GNA14: variants seen among roughly 807,000 people sequenced by gnomAD.
GNA14 encodes the protein G protein subunit alpha 14.
Under a neutral mutation model 42.0 loss-of-function variants are expected in GNA14, and 50 were observed. The observed-to-expected ratio is 1.19, with a 90% CI of 0.95 to 1.51. The LOEUF is 1.51. Ranked by LOEUF, GNA14 falls within the 40% of genes most tolerant of loss-of-function variation. GNA14 has a pLI of 0.00. For missense variants in GNA14, 473 were observed against 446.2 expected, an observed-to-expected ratio of 1.06 and a Z score of -0.54; for synonymous variants, 173 against 163.1, an observed-to-expected ratio of 1.06 and a Z score of -0.46.
intron 2 of GNA14, among the ~76,000 whole-genome samples, chr9:77,449,868 C>T (rs1835876736): frequency 1.3e-5 from 2 of 152,202 alleles, no homozygotes; most frequent in South Asian, 4.1e-4. Context: ...CTCTTGAGAA[C>T]CCCTCCTTAG....
At chr9:77,499,168 C>A (rs1446977618) in intron 2 of GNA14, among the ~76,000 whole-genome samples, 1 of 151,998 alleles carries the variant, frequency 6.6e-6, no homozygotes, top group Non-Finnish European at 1.5e-5. Flanking sequence ...AACCCTTTAG[C>A]CTTGCCACCT....
intron 1 of GNA14, among the ~76,000 whole-genome samples, chr9:77,623,806 C>G (rs1168544545): frequency 6.6e-6 from 1 of 152,164 alleles, no homozygotes; most frequent in Non-Finnish European, 1.5e-5. Context: ...GCCTACACCA[C>G]CAGCGCCATG....
chr9:77,525,800 A>T (rs191624980), intron 2 of GNA14, among the ~76,000 whole-genome samples: 2 of 151,700 alleles, frequency 1.3e-5, no homozygotes, highest in East Asian at 3.9e-4. Context: ...GGCCTCCCAA[A>T]GTACTGGGAT....
At chr9:77,569,847 A>T (rs773827443) in intron 1 of GNA14, among the ~76,000 whole-genome samples, 3 of 151,374 alleles carry the variant, frequency 2.0e-5, no homozygotes, top group Admixed American at 6.6e-5. Context: ...GCTCACTGCA[A>T]CCTCTGCCTT....
At chr9:77,458,041 T>A (rs541223478) in intron 2 of GNA14, among the ~76,000 whole-genome samples, 9 of 152,330 alleles carry the variant, frequency 5.9e-5, no homozygotes, top group Middle Eastern at 3.4e-3. Context: ...TTTTGGTTGT[T>A]TTCCTTTTGT....
intron 1 of GNA14, among the ~76,000 whole-genome samples, chr9:77,632,358 T>C (rs917964398): frequency 6.6e-6 from 1 of 152,158 alleles, no homozygotes; most frequent in Non-Finnish European, 1.5e-5. Flanking sequence ...CTGAAGGCTG[T>C]TGGCTGGGCT....
intron 2 of GNA14, among the ~76,000 whole-genome samples, chr9:77,499,018 G>T (rs1328049393): frequency 1.3e-5 from 2 of 152,172 alleles, no homozygotes; most frequent in African/African-American, 2.4e-5. Flanking sequence ...TGATATGTGG[G>T]GTGGGGAGCC....
At chr9:77,431,565 C>A in intron 3 of GNA14, 116 bp from the exon 4 acceptor site, 1 of 866,762 alleles carries the variant, frequency 1.2e-6, no homozygotes, top group Non-Finnish European at 1.8e-6. Context: ...ACACGAATTC[C>A]ATCAATGACT....
chr9:77,544,094 A>C (rs1837692097), intron 1 of GNA14, among the ~76,000 whole-genome samples: 1 of 152,224 alleles, frequency 6.6e-6, no homozygotes, highest in Non-Finnish European at 1.5e-5. Flanking sequence ...TAGTCACATA[A>C]TCTAGACATC....
chr9:77,546,959 G>A (rs2131779434), intron 1 of GNA14, among the ~76,000 whole-genome samples: 1 of 152,300 alleles, frequency 6.6e-6, no homozygotes, highest in African/African-American at 2.4e-5. Flanking sequence ...ATTCTCCAGA[G>A]TATCCTGGTC....
At chr9:77,599,249 T>C (rs992318236) in intron 1 of GNA14, among the ~76,000 whole-genome samples, 10 of 152,202 alleles carry the variant, frequency 6.6e-5, no homozygotes, top group African/African-American at 2.4e-4. Flanking sequence ...ATAGCATAGC[T>C]GGAACAAGCA....
At chr9:77,441,215 G>T (rs1835728500) in intron 2 of GNA14, among the ~76,000 whole-genome samples, 1 of 152,170 alleles carries the variant, frequency 6.6e-6, no homozygotes. Flanking sequence ...TCAAGGGAGG[G>T]ACCTGGTGGG....
intron 2 of GNA14, among the ~76,000 whole-genome samples, chr9:77,456,911 G>A (rs896924907): frequency 1.3e-5 from 2 of 152,104 alleles, no homozygotes; most frequent in Admixed American, 6.5e-5. Flanking sequence ...AATAAACACA[G>A]CTGACGAGTT....
At chr9:77,623,281 A>G (rs1278555029) in intron 1 of GNA14, among the ~76,000 whole-genome samples, 2 of 148,262 alleles carry the variant, frequency 1.3e-5, no homozygotes, top group Non-Finnish European at 3.0e-5. Context: ...AAAATTTGAA[A>G]TGGTAAAAAC....
In GNA14 at chr9:77,592,608, G is replaced by A. The variant is rs62574864; in HGVS notation, c.124+55062C>T. 2.4e-3 allele frequency among the ~76,000 whole-genome samples: 373 copies of A among 152,288 alleles called. 2 individuals are homozygous for A. The highest frequency in any genetic ancestry group is 6.8e-3 in the Middle Eastern group (2 of 294). On this transcript the variant is annotated intron_variant, in intron 1 of 6. Transcript: ENST00000341700. The stretch of plus-strand genomic sequence containing the variant: ...ACTCCCTATAGCACCACACCAGCCT[G>A]AATGACTCATGAAGTTATTCCCTGC...
intron 2 of GNA14, among the ~76,000 whole-genome samples, chr9:77,444,727 A>G (rs1428410452): frequency 6.6e-6 from 1 of 152,158 alleles, no homozygotes; most frequent in Non-Finnish European, 1.5e-5. Flanking sequence ...CACTCCGTGC[A>G]CCTCAGACTC....
intron 2 of GNA14, among the ~76,000 whole-genome samples, chr9:77,521,364 A>G (rs970792945): frequency 3.3e-5 from 5 of 152,186 alleles, no homozygotes; most frequent in African/African-American, 1.2e-4. Context: ...GAATTTTTCA[A>G]ATTGGATGAG....
At position 77,434,391 on chromosome 9, in the gene GNA14, G is replaced by T. The variant is rs761907887; in HGVS notation, c.441C>A (p.Tyr147Ter). ...IQECYDRRRE[Y>*]QLSDSAKYYL... ...ACTATTTGGCAGAGTCCGACAGCTG[G>T]TACTCCCTCCTCCTGTCGTAACACT... Residue 147 changes from tyrosine (Y) to a stop codon, truncating the protein, a stop_gained, in exon 3 of 7, where the codon TAC becomes TAA. Coordinates refer to ENST00000341700, the MANE Select transcript of GNA14 (RefSeq NM_004297.4). LOFTEE classifies it high-confidence loss of function. The T allele has an allele frequency of 6.2e-7, 1 of 1,614,044 alleles. No individual in the cohort carries two copies. Among genetic ancestry groups the T allele is most frequent in the African/African-American group, 1.3e-5 (1 of 75,024 alleles).
In GNA14 at chr9:77,555,644, G is replaced by T. The variant is rs1822761978; in HGVS notation, c.125-26391C>A. On this transcript the variant is annotated intron_variant, in intron 1 of 6. Coordinates refer to ENST00000341700, the MANE Select transcript of GNA14 (RefSeq NM_004297.4). ...TTGTGTTCTTTCAACTTTCCTGCAG[G>T]TTTAAAAAATGTCAAAACTAAAGAG... Among the ~76,000 whole-genome samples the T allele has an allele frequency of 2.0e-5, 3 of 152,280 alleles. No individual in the cohort carries two copies. The South Asian group carries it at 6.2e-4, about 32-fold the overall frequency.
Sources: allele counts gnomAD v4.1 joint callset (sites outside exome capture counted in the v4.1 genomes callset), GRCh38; gene constraint gnomAD v4.1.1; transcripts MANE v1.5; gene names NCBI Gene and HGNC (gene_info 2026-07-23, HGNC 2026-07-21).